USP7: variants seen among roughly 807,000 people sequenced by gnomAD.
The protein encoded by USP7 is ubiquitin specific peptidase 7.
In USP7, 9 loss-of-function variants were observed where a neutral mutation model predicts 162.9. The observed-to-expected ratio is 0.06, with a 90% CI of 0.03 to 0.10. The LOEUF is 0.10. Ranked by LOEUF, USP7 falls within the 10% of genes least tolerant of loss-of-function variation. The pLI, the probability that USP7 is intolerant of heterozygous loss-of-function variation, is 1.00. For missense variants in USP7, 715 were observed against 1,373.7 expected (o/e 0.52, Z 7.58); for synonymous variants, 562 against 475.9 (o/e 1.18, Z -2.35).
At chr16:8,950,647 C>T (rs542916881) in intron 1 of USP7, among the ~76,000 whole-genome samples, 1 of 152,294 alleles carries the variant, frequency 6.6e-6, no homozygotes, top group South Asian at 2.1e-4. Context: ...CTGTCTGCCA[C>T]GAACATGGCA....
At chr16:8,902,347 G>C in intron 17 of USP7, 34 bp downstream of exon 17, 1 of 1,609,002 alleles carries the variant, frequency 6.2e-7, no homozygotes, top group Non-Finnish European at 8.5e-7. Context: ...CTTCTGCACG[G>C]TTCCAAACCA....
intron 6 of USP7, among the ~76,000 whole-genome samples, 194 bp from the exon 7 acceptor site, chr16:8,917,350 G>C (rs890737557): frequency 4.7e-4 from 71 of 152,296 alleles, no homozygotes; most frequent in Middle Eastern, 3.4e-3. Context: ...AGGGATACTG[G>C]AAAACATAAG....
chr16:8,937,294 C>G (rs554724332), intron 1 of USP7, among the ~76,000 whole-genome samples: 18 of 152,270 alleles, frequency 1.2e-4, no homozygotes, highest in African/African-American at 4.3e-4. Flanking sequence ...CCTGTAATCC[C>G]AACACTTTGG....
At chr16:8,906,386 T>A in intron 13 of USP7, 40 bp downstream of exon 13, 1 of 1,595,046 alleles carries the variant, frequency 6.3e-7, no homozygotes. Context: ...GTGTTAACTT[T>A]CTGATGAGCT....
chr16:8,905,816 G>C (rs958822502), intron 13 of USP7, among the ~76,000 whole-genome samples: 5 of 152,234 alleles, frequency 3.3e-5, no homozygotes, highest in Non-Finnish European at 7.3e-5. Flanking sequence ...GTTCCTAACA[G>C]TTATCTTCCC....
intron 1 of USP7, among the ~76,000 whole-genome samples, chr16:8,955,573 G>A (rs2141265747): frequency 6.6e-6 from 1 of 152,188 alleles, no homozygotes; most frequent in Admixed American, 6.5e-5. Flanking sequence ...GGGCATGGCG[G>A]CGCGCCCCTG....
At chr16:8,957,750 C>G (rs1451793791) in intron 1 of USP7, among the ~76,000 whole-genome samples, 6 of 148,938 alleles carry the variant, frequency 4.0e-5, no homozygotes, top group African/African-American at 1.5e-4. Context: ...GAGCAAGACC[C>G]TGTCTCTTAA....
Position 8,894,534 on chromosome 16 carries a change from G to GA in USP7, c.3202+15_3202+16insT, listed in dbSNP as rs778620228. On this transcript the variant is annotated intron_variant, in intron 30 of 30. Coordinates refer to ENST00000344836, the MANE Select transcript of USP7 (RefSeq NM_003470.3). ...CTGAAACCCACACCAGCCCCCGGGGGGGGGAGAACCCTTACCGGGCTGTGG... is the reference window on the plus strand; with the variant it reads ...CTGAAACCCACACCAGCCCCCGGGGGAGGGGAGAACCCTTACCGGGCTGTGG... The GA allele has an allele frequency of 3.0e-5, 49 of 1,609,332 alleles. No individual in the cohort carries two copies. Among genetic ancestry groups the GA allele is most frequent in the South Asian group, 1.1e-4 (10 of 90,904 alleles).
intron 22 of USP7, 150 bp downstream of exon 22, chr16:8,899,454 A>T: frequency 9.7e-7 from 1 of 1,027,550 alleles, no homozygotes; most frequent in Non-Finnish European, 1.4e-6. Flanking sequence ...CTCCCAAGGC[A>T]GAGAGCCTGA....
At chr16:8,951,115 G>C (rs1447094915) in intron 1 of USP7, among the ~76,000 whole-genome samples, 1 of 152,192 alleles carries the variant, frequency 6.6e-6, no homozygotes, top group Non-Finnish European at 1.5e-5. Flanking sequence ...TGACTTAACA[G>C]GCAAGGCTTA....
intron 25 of USP7, among the ~76,000 whole-genome samples, chr16:8,897,837 T>C (rs1194304687): frequency 6.7e-6 from 1 of 148,686 alleles, no homozygotes; most frequent in Non-Finnish European, 1.5e-5. Context: ...AGGTCTACGC[T>C]GTCGTGGGCT....
intron 1 of USP7, among the ~76,000 whole-genome samples, chr16:8,938,157 C>T (rs577388517): frequency 8.6e-5 from 13 of 152,016 alleles, no homozygotes; most frequent in Non-Finnish European, 1.3e-4. Flanking sequence ...CAAACAGGCA[C>T]GACACTCCGA....
At chr16:8,947,352 C>G (rs888676837) in intron 1 of USP7, among the ~76,000 whole-genome samples, 19 of 151,080 alleles carry the variant, frequency 1.3e-4, no homozygotes, top group East Asian at 2.1e-4. Context: ...GCACTCCCCC[C>G]CCCAACACAC....
chr16:8,919,289 T>A, intron 5 of USP7, 150 bp from the exon 6 acceptor site: 1 of 731,482 alleles, frequency 1.4e-6, no homozygotes, highest in Non-Finnish European at 2.3e-6. Flanking sequence ...ACCGATTCCC[T>A]TCTGCTTGCT....
chr16:8,939,409 G>A (rs1898929130), intron 1 of USP7, among the ~76,000 whole-genome samples: 1 of 152,222 alleles, frequency 6.6e-6, no homozygotes, highest in South Asian at 2.1e-4. Context: ...GGCAGGGATG[G>A]ACTGCCATTT....
intron 1 of USP7, among the ~76,000 whole-genome samples, chr16:8,945,803 C>T (rs973879581): frequency 5.3e-5 from 8 of 151,914 alleles, no homozygotes; most frequent in Non-Finnish European, 1.5e-5. Context: ...ATAATCCCAG[C>T]ACTTTAGGAA....
At chr16:8,933,803 TG>T (rs1056034760) in intron 1 of USP7, among the ~76,000 whole-genome samples, 3 of 151,742 alleles carry the variant, frequency 2.0e-5, no homozygotes, top group African/African-American at 7.3e-5. Context: ...TCTCCCAGGC[TG>T]GAGTGCAGTG....
chr16:8,929,848 GATTTC>G (rs1365926388), intron 2 of USP7, among the ~76,000 whole-genome samples: 2 of 152,190 alleles, frequency 1.3e-5, no homozygotes, highest in Non-Finnish European at 2.9e-5. Flanking sequence ...GCTTGAATCT[GATTTC>G]ATCCCTAACA....
Position 8,912,449 on chromosome 16 carries a change from CA to C in USP7, c.1079-1623del, listed in dbSNP as rs60623981. Among the ~76,000 whole-genome samples, 705 of 122,806 alleles carry C rather than the reference CA, an allele frequency of 5.7e-3. 1 individual carries two copies. The highest frequency in any genetic ancestry group is 0.015 in the African/African-American group (471 of 31,802). 80.6% of individuals were successfully genotyped at this position (122,806 alleles called of 152,430 possible). ...GGGGCGACAGAGTGAGACTCCATGT[CA>C]AAAAAAAAAAAAGAAAGAAAAAAGA... is the stretch of plus-strand genomic sequence containing the variant. On this transcript the variant is annotated intron_variant, in intron 10 of 30. Transcript: ENST00000344836.
Sources: gnomAD v4.1 joint callset for allele counts (sites outside exome capture counted in the v4.1 genomes callset) on GRCh38, gnomAD v4.1.1 for gene constraint, MANE v1.5 for transcripts, NCBI Gene and HGNC (gene_info 2026-07-23, HGNC 2026-07-21) for gene names.